Variants in DBH observed in about 807,000 individuals in gnomAD.
DBH encodes dopamine beta-hydroxylase (dopamine beta-monooxygenase).
Under a neutral mutation model 64.0 loss-of-function variants are expected in DBH, and 49 were observed. The ratio of observed to expected loss-of-function variants is 0.77; its 90% CI spans 0.61 to 0.97. DBH has a LOEUF of 0.97. Ranked by LOEUF, DBH falls within the 50% of genes least tolerant of loss-of-function variation. The pLI is 0.00. For synonymous variants in DBH, 343 were observed against 347.1 expected (o/e 0.99, Z 0.13); for missense variants, 828 against 826.6 (o/e 1.00, Z -0.02).
At chr9:133,646,997 G>T (rs1373616379) in intron 5 of DBH, among the ~76,000 whole-genome samples, 1 of 152,180 alleles carries the variant, frequency 6.6e-6, no homozygotes, top group Non-Finnish European at 1.5e-5. Context: ...TTTGGAAGAG[G>T]CCCTTGAGTG....
chr9:133,649,055 A>C (rs1489141519), intron 6 of DBH, among the ~76,000 whole-genome samples: 1 of 152,180 alleles, frequency 6.6e-6, no homozygotes, highest in Non-Finnish European at 1.5e-5. Context: ...CCACTGGATT[A>C]TTAATATTGT....
Position 133,652,281 on chromosome 9 carries a change from T to A in DBH, c.1371T>A (p.His457Gln). The change falls in exon 8 of 12, where the codon CAT (histidine) becomes CAA (glutamine). Residue 457 changes from histidine (H) to glutamine (Q), a missense_variant. By Grantham distance (24) the His-to-Gln change is conservative. Coordinates refer to ENST00000393056, the MANE Select transcript of DBH (RefSeq NM_000787.4). ...IRMLKKVVSV[H>Q]PGDVLITSCT... is the part of the protein sequence containing the mutation. ...TGTTGAAGAAGGTCGTGTCGGTCCA[T>A]CCGGTGAGTGCCCAGCGGGAAGGCT... The A allele has an allele frequency of 6.2e-7, 1 of 1,613,384 alleles. No homozygotes were observed.
chr9:133,651,690 T>C lies in DBH; in HGVS notation c.1248T>C (p.Thr416=). The part of the protein sequence containing the change: ...IFASQLHTHL[T]GRKVVTVLVR... Reference sequence around the variant, plus strand: ...CCTCTCAGCTCCACACACACCTGACTGGGAGAAAGGTGGTCACAGTGCTGG... The same window carrying C: ...CCTCTCAGCTCCACACACACCTGACCGGGAGAAAGGTGGTCACAGTGCTGG... Residue 416 remains threonine, a synonymous_variant, in exon 7 of 12, where the codon ACT becomes ACC. Coordinates refer to ENST00000393056, the MANE Select transcript of DBH (RefSeq NM_000787.4). 2 of 1,613,860 alleles carry C rather than the reference T, an allele frequency of 1.2e-6. No individual in the cohort carries two copies. The highest frequency in any genetic ancestry group is 1.7e-6 in the Non-Finnish European group (2 of 1,179,988).
chr9:133,650,474 CT>C (rs60456420), intron 6 of DBH, among the ~76,000 whole-genome samples: 8,179 of 146,166 alleles, frequency 0.056, 472 homozygotes, highest in African/African-American at 0.16. Flanking sequence ...CTTTTTCTTT[CT>C]TTTTCTTTTT....
chr9:133,646,446 A>G (rs920949065), intron 5 of DBH, among the ~76,000 whole-genome samples: 22 of 152,190 alleles, frequency 1.4e-4, no homozygotes, highest in African/African-American at 4.8e-4. Context: ...TTCACTAGGC[A>G]TGGAGTTTCA....
intron 6 of DBH, among the ~76,000 whole-genome samples, chr9:133,650,370 G>T (rs1285004132): frequency 6.6e-6 from 1 of 152,162 alleles, no homozygotes; most frequent in Non-Finnish European, 1.5e-5. Flanking sequence ...CAGCGGGTGG[G>T]CAAAAGGACA....
chr9:133,645,702 C>A (rs183755395), intron 5 of DBH, among the ~76,000 whole-genome samples: 25 of 152,224 alleles, frequency 1.6e-4, no homozygotes, highest in Admixed American at 1.6e-3. Context: ...TTGGCCTCAT[C>A]TTAAAGGAAA....
intron 1 of DBH, among the ~76,000 whole-genome samples, chr9:133,638,815 C>T (rs545199230): frequency 9.9e-5 from 15 of 152,180 alleles, no homozygotes; most frequent in African/African-American, 2.2e-4. Context: ...TTCTTGAGTA[C>T]GAAGGGCAGC....
intron 1 of DBH, 57 bp from the exon 2 acceptor site, chr9:133,639,789 T>A: frequency 4.5e-6 from 7 of 1,572,590 alleles, no homozygotes; most frequent in Non-Finnish European, 6.0e-6. Context: ...CCTCTTCCCC[T>A]GTGGATTGGC....
In DBH at chr9:133,651,619, C is replaced by T. The variant is rs931559145; in HGVS notation, c.1192-15C>T. 2 of 1,613,138 alleles carry T rather than the reference C, an allele frequency of 1.2e-6. No homozygotes were observed. The highest frequency in any genetic ancestry group is 1.7e-6 in the Non-Finnish European group (2 of 1,179,992). ...GGGGGTCAGGCCCTGACACTGCAGC[C>T]CCCCGACCCCACAGGCACTGCCTCC... On this transcript the variant is annotated splice_polypyrimidine_tract_variant and intron_variant, in intron 6 of 11. Coordinates refer to ENST00000393056, the MANE Select transcript of DBH (RefSeq NM_000787.4).
rs1588355125 is a variant in DBH at position 133,657,109 on chromosome 9, C to T, written c.1602C>T (p.Ser534=). 3.1e-6 allele frequency: 5 copies of T among 1,614,066 alleles called. No individual in the cohort carries two copies. The South Asian group carries it at 3.3e-5, about 11-fold the overall frequency. The change falls in exon 11 of 12, where the codon TCC becomes TCT. Residue 534 remains serine, a synonymous_variant. Coordinates refer to ENST00000393056, the MANE Select transcript of DBH (RefSeq NM_000787.4). ...NEDVCTCPQA[S]VSQQFTSVPW... is the part of the protein sequence containing the mutation. ...ATGTCTGCACCTGCCCTCAGGCGTC[C>T]GTGTCTCAGCAGTTCACCTCTGTTC... is the stretch of plus-strand genomic sequence containing the variant.
chr9:133,648,193 G>A (rs867443332), intron 6 of DBH, among the ~76,000 whole-genome samples, 181 bp downstream of exon 6: 2 of 152,216 alleles, frequency 1.3e-5, no homozygotes, highest in South Asian at 4.1e-4. Context: ...GAGGCCATTT[G>A]TGTGTGTATG....
Position 133,658,366 on chromosome 9 carries a change from G to A in DBH, c.1773G>A (p.Glu591=), listed in dbSNP as rs374885676. The A allele has an allele frequency of 6.8e-6, 11 of 1,613,726 alleles. No individual in the cohort carries two copies. The highest frequency in any genetic ancestry group is 3.3e-5 in the Admixed American group (2 of 59,984). ...CCAAGGTCATCTCCACACTGGAAGA[G>A]CCCACCCCACAGTGCCCCACCAGCC... ...PLPKVISTLE[E]PTPQCPTSQG... The change falls in exon 12 of 12, where the codon GAG becomes GAA. Residue 591 remains glutamate, a synonymous_variant. Transcript: ENST00000393056.
intron 6 of DBH, 79 bp downstream of exon 6, chr9:133,648,091 G>T (rs1352129723): frequency 6.7e-7 from 1 of 1,496,776 alleles, no homozygotes; most frequent in Non-Finnish European, 9.0e-7. Flanking sequence ...CGTGGCCCAC[G>T]AAGGGTGGCA....
At position 133,657,289 on chromosome 9, in the gene DBH, G is replaced by A. The variant is rs918674851; in HGVS notation, c.1722+60G>A. 4 of 1,601,296 alleles carry A rather than the reference G, an allele frequency of 2.5e-6. No homozygotes were observed. The African/African-American group carries it at 5.3e-5, about 21-fold the overall frequency. ...CAGGCAGGCCTCATGGGGGGCCCCAGTGAGGGGTGATGGGTCTGCACTCCA... is the reference window on the plus strand; with the variant it reads ...CAGGCAGGCCTCATGGGGGGCCCCAATGAGGGGTGATGGGTCTGCACTCCA... On this transcript the variant is annotated intron_variant, in intron 11 of 11. Transcript: ENST00000393056.
intron 9 of DBH, chr9:133,654,760 T>G (rs138288999): frequency 0.01 from 1,571 of 152,534 alleles, 13 homozygotes; most frequent in Non-Finnish European, 0.014. Flanking sequence ...GTCCAGCCAC[T>G]CAGGCCACAC....
chr9:133,652,878 G>A, intron 8 of DBH, 62 bp from the exon 9 acceptor site: 1 of 1,236,074 alleles, frequency 8.1e-7, no homozygotes, highest in Non-Finnish European at 1.2e-6. Flanking sequence ...ATGGGGGCGA[G>A]GCCTCCAGCA....
Position 133,656,555 on chromosome 9 carries a change from C to T in DBH, c.1467C>T (p.Val489=), listed in dbSNP as rs1832322426. The T allele has an allele frequency of 1.2e-6, 2 of 1,613,846 alleles. No individual in the cohort carries two copies. The highest frequency in any genetic ancestry group is 3.3e-5 in the Admixed American group (2 of 60,004). ...TCGGGATCCTGGAGGAGATGTGTGT[C>T]AACTACGTGCACTACTACCCCCAGA... ...GGFGILEEMC[V]NYVHYYPQTQ... Residue 489 remains valine, a synonymous_variant, in exon 10 of 12, where the codon GTC becomes GTT. Coordinates refer to ENST00000393056, the MANE Select transcript of DBH (RefSeq NM_000787.4).
rs1489472451 is a variant in DBH at position 133,643,733 on chromosome 9, T to C, written c.921+144T>C. On this transcript the variant is annotated intron_variant, in intron 4 of 11. Transcript: ENST00000393056. The surrounding 1 kb of genome is among the most constrained non-coding windows in gnomAD (Gnocchi z 5.3). ...ACGAGGCCACCAGAAGGGCCAGGCCTGAGGTGGCCCCCTCGCCTCTGTGAT... is the reference window on the plus strand; with the variant it reads ...ACGAGGCCACCAGAAGGGCCAGGCCCGAGGTGGCCCCCTCGCCTCTGTGAT... The C allele has an allele frequency of 5.7e-6, 5 of 873,702 alleles. No homozygotes were observed. In the African/African-American group the frequency reaches 8.5e-5, roughly 15 times the overall value. 54.1% of individuals were successfully genotyped at this position (873,702 alleles called of 1,614,324 possible).
Sources: gnomAD v4.1 joint callset for allele counts (sites outside exome capture counted in the v4.1 genomes callset) on GRCh38, gnomAD v4.1.1 for gene constraint, Gnocchi (gnomAD v3.1) non-coding constraint, MANE v1.5 for transcripts, NCBI Gene and HGNC (gene_info 2026-07-23, HGNC 2026-07-21) for gene names.